The following MARK4 variants were observed in gnomAD, a reference collection of about 807,000 sequenced individuals.
MARK4 encodes MAP/microtubule affinity-regulating kinase 4.
Under a neutral mutation model 81.5 loss-of-function variants are expected in MARK4, and 19 were observed. The ratio of observed to expected loss-of-function variants is 0.23; its 90% CI spans 0.16 to 0.34. The LOEUF is 0.34. Ranked by LOEUF, MARK4 falls within the 10% of genes least tolerant of loss-of-function variation. MARK4 has a pLI of 1.00. For synonymous variants in MARK4, 436 were observed against 439.0 expected, an observed-to-expected ratio of 0.99 and a Z score of 0.08; for missense variants, 772 against 1,058.8, an observed-to-expected ratio of 0.73 and a Z score of 3.76.
At chr19:45,299,973 G>A in intron 16 of MARK4, 118 bp downstream of exon 16, 1 of 882,120 alleles carries the variant, frequency 1.1e-6, no homozygotes, top group Non-Finnish European at 1.6e-6. Context: ...CCAACTTCCT[G>A]AAATGCCCTG....
At chr19:45,280,310 A>C (rs1970654444) in intron 10 of MARK4, 64 bp from the exon 11 acceptor site, 1 of 1,436,902 alleles carries the variant, frequency 7.0e-7, no homozygotes, top group African/African-American at 1.4e-5. Context: ...TCAAAAAAAA[A>C]GAGAAATGGA....
intron 15 of MARK4, 104 bp from the exon 16 acceptor site, chr19:45,299,707 C>G: frequency 1.0e-6 from 1 of 991,156 alleles, no homozygotes. Context: ...CCCGGAGGGA[C>G]TGGGGTTGAG....
At position 45,259,187 on chromosome 19, in the gene MARK4, G is replaced by A; in HGVS notation, c.250G>A (p.Glu84Lys). The stretch of plus-strand genomic sequence containing the variant: ...GGCTCGGCACATCCTCACTGGTCGG[G>A]AGGTGAGTATGGGCACAGGGTGGGG... Reference protein sequence around the residue: ...KLARHILTGREVAIKIIDKTQ... With the variant: ...KLARHILTGRKVAIKIIDKTQ... Residue 84 changes from glutamate (E) to lysine (K), a missense_variant and splice_region_variant, in exon 2 of 17, where the codon GAG becomes AAG. Physicochemically the swap from Glu to Lys is moderately conservative, Grantham distance 56. Transcript: ENST00000262891. The A allele has an allele frequency of 6.2e-7, 1 of 1,613,960 alleles. No homozygotes were observed. Among genetic ancestry groups the A allele is most frequent in the Non-Finnish European group, 8.5e-7 (1 of 1,179,982 alleles).
At chr19:45,300,831 T>C (rs1050066077) in intron 16 of MARK4, among the ~76,000 whole-genome samples, 1 of 151,994 alleles carries the variant, frequency 6.6e-6, no homozygotes, top group African/African-American at 2.4e-5. Flanking sequence ...CTCTGGTTGG[T>C]CAGACCTGGT....
chr19:45,264,146 C>T (rs571444789), intron 4 of MARK4, among the ~76,000 whole-genome samples: 1 of 152,214 alleles, frequency 6.6e-6, no homozygotes, highest in East Asian at 1.9e-4. Context: ...GGGGACACAA[C>T]AGGGAAGACA....
chr19:45,269,029 C>CCAA (rs1333048065), intron 7 of MARK4, among the ~76,000 whole-genome samples: 2 of 152,100 alleles, frequency 1.3e-5, no homozygotes. Flanking sequence ...ACCAAGGGGA[C>CCAA]CAACCCATGT....
intron 14 of MARK4, among the ~76,000 whole-genome samples, chr19:45,296,610 C>T (rs887991541): frequency 6.6e-6 from 1 of 152,238 alleles, no homozygotes; most frequent in Non-Finnish European, 1.5e-5. Context: ...GCTGGGTGGC[C>T]ATGTGCAGTG....
chr19:45,253,485 G>T (rs1220983928), intron 1 of MARK4, among the ~76,000 whole-genome samples: 1 of 152,162 alleles, frequency 6.6e-6, no homozygotes, highest in Non-Finnish European at 1.5e-5. Context: ...GTGACCGCTT[G>T]AGTGCCTCCA....
At position 45,304,260 on chromosome 19, in the gene MARK4, C is replaced by T. The variant is rs1376583154; in HGVS notation, c.*1550C>T. 6.6e-6 allele frequency: 1 copy of T among 152,240 alleles called. No homozygotes were observed. The highest frequency in any genetic ancestry group is 2.4e-5 in the African/African-American group (1 of 41,448). 9.4% of individuals were successfully genotyped at this position (152,240 alleles called of 1,614,324 possible). The stretch of plus-strand genomic sequence containing the variant: ...CAGCTTTCTGCAGCAGAAAGACCCT[C>T]ATTGTCAGTTTCCCAGCAAAAGTCC... On this transcript the variant is annotated 3_prime_UTR_variant, in exon 17 of 17. Transcript: ENST00000262891.
chr19:45,277,054 C>T (rs1030464243), intron 8 of MARK4, among the ~76,000 whole-genome samples: 4 of 151,964 alleles, frequency 2.6e-5, no homozygotes, highest in Non-Finnish European at 2.9e-5. Flanking sequence ...TACCTACCTC[C>T]CTCTTACCTG....
chr19:45,293,439 T>A (rs1410348062), intron 13 of MARK4, among the ~76,000 whole-genome samples: 2 of 152,186 alleles, frequency 1.3e-5, no homozygotes, highest in Non-Finnish European at 2.9e-5. Context: ...ATTTAACAGC[T>A]TAGATGAAAT....
In MARK4 at chr19:45,265,014, C is replaced by T. The variant is rs967720850; in HGVS notation, c.492+104C>T. On this transcript the variant is annotated intron_variant, in intron 6 of 16. Coordinates refer to ENST00000262891, the MANE Select transcript of MARK4 (RefSeq NM_001199867.2). ...GCTGTCCAGCGACCTGGGGGCGGGG[C>T]TTAAGTCTGGGCAGGGGTGAAGGTG... The T allele has an allele frequency of 2.3e-5, 26 of 1,153,348 alleles. 1 individual carries two copies. The South Asian group carries it at 3.3e-4, about 15-fold the overall frequency. The allele number at this position is 1,153,348 out of a possible 1,614,324, so 71.4% of individuals were successfully genotyped here.
chr19:45,262,325 G>A (rs979069571), intron 2 of MARK4, among the ~76,000 whole-genome samples: 1 of 121,676 alleles, frequency 8.2e-6, no homozygotes, highest in African/African-American at 3.1e-5. Context: ...GAGACACAGC[G>A]AGACTCTGCC....
chr19:45,297,560 T>G, intron 14 of MARK4, 116 bp from the exon 15 acceptor site: 1 of 633,148 alleles, frequency 1.6e-6, no homozygotes, highest in South Asian at 2.0e-5. Flanking sequence ...GCCCTGTCTC[T>G]GAGTTCCAGG....
chr19:45,288,221 C>G (rs1459513368), intron 13 of MARK4: 3 of 152,396 alleles, frequency 2.0e-5, no homozygotes, highest in Non-Finnish European at 4.4e-5. Context: ...GAGCAAAACC[C>G]TGTCTCAATA....
In MARK4 at chr19:45,299,868, G is replaced by T; in HGVS notation, c.1922+13G>T. ...CTGAGGTCACAAGGTGAGTGCTTGG[G>T]CCTACCCCTGACTGCCACTTCCCCT... On this transcript the variant is annotated intron_variant, in intron 16 of 16. Transcript: ENST00000262891. 6.3e-7 allele frequency: 1 copy of T among 1,591,506 alleles called. No individual in the cohort carries two copies. The highest frequency in any genetic ancestry group is 8.6e-7 in the Non-Finnish European group (1 of 1,165,050).
intron 14 of MARK4, among the ~76,000 whole-genome samples, chr19:45,295,903 G>A (rs947888358): frequency 6.6e-6 from 1 of 152,200 alleles, no homozygotes; most frequent in African/African-American, 2.4e-5. Flanking sequence ...TGACTTGAGA[G>A]TGCTTTTTTT....
At chr19:45,251,974 C>G (rs972349428) in intron 1 of MARK4, among the ~76,000 whole-genome samples, 15 of 151,476 alleles carry the variant, frequency 9.9e-5, no homozygotes, top group Admixed American at 1.3e-4. Flanking sequence ...CCCTCCAGGC[C>G]GTCCGCGTCC....
chr19:45,266,925 G>A (rs1051158824), intron 7 of MARK4, among the ~76,000 whole-genome samples: 7 of 151,590 alleles, frequency 4.6e-5, no homozygotes, highest in African/African-American at 1.7e-4. Context: ...GTAGAGACGG[G>A]GTTTCACCGT....
Sources: gnomAD v4.1 joint callset for allele counts (sites outside exome capture counted in the v4.1 genomes callset) on GRCh38, gnomAD v4.1.1 for gene constraint, MANE v1.5 for transcripts, NCBI Gene and HGNC (gene_info 2026-07-23, HGNC 2026-07-21) for gene names.